MAS1: variants seen among roughly 807,000 people sequenced by gnomAD.
The protein encoded by MAS1 is MAS1 proto-oncogene, G protein-coupled receptor, also known as proto-oncogene Mas.
For missense variants in MAS1, 387 were observed against 409.7 expected, an observed-to-expected ratio of 0.94 and a Z score of 0.48; for synonymous variants, 163 against 164.2, an observed-to-expected ratio of 0.99 and a Z score of 0.05.
chr6:159,897,184 GT>G (rs112119570), intron 1 of MAS1, among the ~76,000 whole-genome samples: 3,652 of 152,034 alleles, frequency 0.024, 140 homozygotes, highest in African/African-American at 0.083. Context: ...GGAGACTGGG[GT>G]TTTTTTTAAG....
Position 159,917,244 on chromosome 6 carries a change from T to C in MAS1, c.*9311T>C, listed in dbSNP as rs1466875263. ...CCTGATGGATGAGATTGGTGTAAAG[T>C]GGAGAAATTCTGTTTTGGATTAATC... On this transcript the variant is annotated 3_prime_UTR_variant, in exon 3 of 3. Coordinates refer to ENST00000674077, the MANE Select transcript of MAS1 (RefSeq NM_002377.4). 6.6e-6 allele frequency among the ~76,000 whole-genome samples: 1 copy of C among 152,234 alleles called. No individual in the cohort carries two copies. The highest frequency in any genetic ancestry group is 1.5e-5 in the Non-Finnish European group (1 of 68,038).
chr6:159,907,680 T>C lies in MAS1; in HGVS notation c.725T>C (p.Met242Thr), dbSNP rs142248825. 4 of 1,613,892 alleles carry C rather than the reference T, an allele frequency of 2.5e-6. No homozygotes were observed. In the East Asian group the frequency reaches 8.9e-5, roughly 36 times the overall value. ...VTIIIFLIFAMPMRLLYLLYY... is the reference protein window; with the variant it reads ...VTIIIFLIFATPMRLLYLLYY... ...ATCATTATATTCCTCATCTTCGCTA[T>C]GCCCATGAGACTCCTTTACCTGCTG... Residue 242 changes from methionine to threonine, a missense_variant, in exon 3 of 3, where the codon ATG becomes ACG. By Grantham distance (81) the Met-to-Thr change is moderately conservative. Transcript: ENST00000674077.
Position 159,911,647 on chromosome 6 carries a change from G to T in MAS1, c.*3714G>T, listed in dbSNP as rs1562313805. On this transcript the variant is annotated 3_prime_UTR_variant, in exon 3 of 3. Transcript: ENST00000674077. ...GTCCAGCTCAAGCATTAGAGACTCA[G>T]GAGAGCCTCTGGAAGCTGAGTTCCT... 6.6e-6 allele frequency: 1 copy of T among 152,114 alleles called. No homozygotes were observed. Among genetic ancestry groups the T allele is most frequent in the Non-Finnish European group, 1.5e-5 (1 of 68,066 alleles). 9.4% of individuals were successfully genotyped at this position (152,114 alleles called of 1,614,324 possible).
Position 159,908,861 on chromosome 6 carries a change from C to T in MAS1, c.*928C>T, listed in dbSNP as rs1273438256. On this transcript the variant is annotated 3_prime_UTR_variant, in exon 3 of 3. Coordinates refer to ENST00000674077, the MANE Select transcript of MAS1 (RefSeq NM_002377.4). ...ACGAATGGAGTTGAATTTATGACTT[C>T]CTGGGGGTGACTGGGACCTTCCTCC... is the stretch of plus-strand genomic sequence containing the variant. 1.3e-5 allele frequency: 2 copies of T among 152,004 alleles called. No individual in the cohort carries two copies. Among genetic ancestry groups the T allele is most frequent in the Non-Finnish European group, 2.9e-5 (2 of 68,020 alleles). 9.4% of individuals were successfully genotyped at this position (152,004 alleles called of 1,614,324 possible).
intron 1 of MAS1, among the ~76,000 whole-genome samples, chr6:159,896,759 G>T (rs1433142507): frequency 6.6e-6 from 1 of 152,226 alleles, no homozygotes; most frequent in Non-Finnish European, 1.5e-5. Flanking sequence ...CGGGGGAATT[G>T]CAATAGAGAA....
rs1782916833 is a variant in MAS1 at position 159,907,910 on chromosome 6, G to T, written c.955G>T (p.Val319Phe). 1.2e-6 allele frequency: 2 copies of T among 1,605,754 alleles called. No homozygotes were observed. The highest frequency in any genetic ancestry group is 1.7e-6 in the Non-Finnish European group (2 of 1,176,792). ...PRRQKDNCNT[V>F]TVETVV is the part of the protein sequence containing the mutation. ...GCGCCAGAAAGACAATTGTAATACGGTCACAGTTGAGACTGTCGTCTAAGA... is the reference window on the plus strand; with the variant it reads ...GCGCCAGAAAGACAATTGTAATACGTTCACAGTTGAGACTGTCGTCTAAGA... The change falls in exon 3 of 3, where the codon GTC becomes TTC. Residue 319 changes from valine (V) to phenylalanine (F), a missense_variant. Physicochemically the swap from Val to Phe is conservative, Grantham distance 50. Coordinates refer to ENST00000674077, the MANE Select transcript of MAS1 (RefSeq NM_002377.4).
intron 1 of MAS1, among the ~76,000 whole-genome samples, chr6:159,896,861 TG>T (rs1253731704): frequency 6.0e-4 from 51 of 84,526 alleles, no homozygotes; most frequent in East Asian, 3.3e-3. Flanking sequence ...TGGGTTTTTT[TG>T]TTTGTTTGTT....
At chr6:159,897,240 G>C (rs1040083775) in intron 1 of MAS1, among the ~76,000 whole-genome samples, 2 of 152,088 alleles carry the variant, frequency 1.3e-5, no homozygotes, top group African/African-American at 4.8e-5. Flanking sequence ...AGTGCTGATT[G>C]GTCAGGTTGG....
chr6:159,902,092 C>T (rs563907549), intron 2 of MAS1: 1 of 151,622 alleles, frequency 6.6e-6, no homozygotes, highest in Non-Finnish European at 1.5e-5. Flanking sequence ...GGGGAGGTGA[C>T]CTGGGGTAAC....
chr6:159,896,159 ACT>A (rs75706866), intron 1 of MAS1, among the ~76,000 whole-genome samples: 41,524 of 151,734 alleles, frequency 0.27, 6,820 homozygotes, highest in Non-Finnish European at 0.38. Context: ...AAATACAAAA[ACT>A]CAGCTGGCAT....
upstream of MAS1, among the ~76,000 whole-genome samples, chr6:159,889,215 T>A (rs1319218112): frequency 6.6e-6 from 1 of 152,240 alleles, no homozygotes; most frequent in Non-Finnish European, 1.5e-5. Context: ...TTGGGCAGCT[T>A]GTTGTCCTCT....
In MAS1 at chr6:159,907,705, G is replaced by C; in HGVS notation, c.750G>C (p.Leu250=). ...FAMPMRLLYL[L]YYEYWSTFGN... Reference sequence around the variant, plus strand: ...TGCCCATGAGACTCCTTTACCTGCTGTACTATGAGTATTGGTCGACCTTTG... The same window carrying C: ...TGCCCATGAGACTCCTTTACCTGCTCTACTATGAGTATTGGTCGACCTTTG... Residue 250 remains leucine (L), a synonymous_variant, in exon 3 of 3, where the codon CTG becomes CTC. Coordinates refer to ENST00000674077, the MANE Select transcript of MAS1 (RefSeq NM_002377.4). 1 of 1,613,640 alleles carries C rather than the reference G, an allele frequency of 6.2e-7. No homozygotes were observed.
rs1345089260 is a variant in MAS1, at chr6:159,910,880, T to A, written c.*2947T>A. The A allele has an allele frequency of 6.6e-6, 1 of 152,204 alleles. No homozygotes were observed. Among genetic ancestry groups the A allele is most frequent in the African/African-American group, 2.4e-5 (1 of 41,430 alleles). 9.4% of individuals were successfully genotyped at this position (152,204 alleles called of 1,614,324 possible). A position where few individuals can be genotyped will look rare whatever the true frequency, so the allele number is the denominator to read the frequency against. On this transcript the variant is annotated 3_prime_UTR_variant, in exon 3 of 3. Transcript: ENST00000674077. ...AGATTGGTCCAGATAGGAAGGTGAG[T>A]AACTTCCACAGTGTCAAATCTGATG...
At position 159,914,111 on chromosome 6, in the gene MAS1, T is replaced by G. The variant is rs1204693936; in HGVS notation, c.*6178T>G. On this transcript the variant is annotated 3_prime_UTR_variant, in exon 3 of 3. Transcript: ENST00000674077. ...GTTTTAATTATTTCTGGGGTTTTTTTGGTCAAATTTCTCATGTTGCTTCTA... is the reference window on the plus strand; with the variant it reads ...GTTTTAATTATTTCTGGGGTTTTTTGGGTCAAATTTCTCATGTTGCTTCTA... The G allele has an allele frequency of 6.6e-6, 1 of 152,258 alleles. No individual in the cohort carries two copies. Among genetic ancestry groups the G allele is most frequent in the East Asian group, 1.9e-4 (1 of 5,206 alleles). 9.4% of individuals were successfully genotyped at this position (152,258 alleles called of 1,614,324 possible). A position where few individuals can be genotyped will look rare whatever the true frequency, so the allele number is the denominator to read the frequency against.
In MAS1 at chr6:159,894,418, C is replaced by CAAAAAAA. The variant is rs5881344; in HGVS notation, c.-244+3300_-244+3306dup. ...TGGGCGACAGAGTGAGACCCTGTCTCAAAAAAAAAAAAAAAAAAAAAGAAT... is the reference window on the plus strand; with the variant it reads ...TGGGCGACAGAGTGAGACCCTGTCTCAAAAAAAAAAAAAAAAAAAAAAAAAAAAGAAT... On this transcript the variant is annotated intron_variant, in intron 1 of 2. Coordinates refer to ENST00000674077, the MANE Select transcript of MAS1 (RefSeq NM_002377.4). Among the ~76,000 whole-genome samples the CAAAAAAA allele has an allele frequency of 9.0e-4, 71 of 79,136 alleles. 2 individuals carry two copies. The highest frequency in any genetic ancestry group is 3.2e-3 in the African/African-American group (67 of 20,678). The allele number at this position is 79,136 out of a possible 152,430, so 51.9% of individuals were successfully genotyped here.
Position 159,906,993 on chromosome 6 carries a change from A to G in MAS1, c.38A>G (p.Glu13Gly). 6.2e-7 allele frequency: 1 copy of G among 1,611,344 alleles called. No homozygotes were observed. Residue 13 changes from glutamate (E) to glycine (G), a missense_variant, in exon 3 of 3, where the codon GAA (glutamate) becomes GGA (glycine). Transcript: ENST00000674077. ...AACGTGACATCATTTGTTGTTGAGG[A>G]ACCCACGAACATCTCAACTGGCAGG... ...GSNVTSFVVE[E>G]PTNISTGRNA...
Position 159,914,278 on chromosome 6 carries a change from CCT to C in MAS1, c.*6346_*6347del, listed in dbSNP as rs1218141389. The C allele has an allele frequency of 1.3e-5, 2 of 152,048 alleles. No homozygotes were observed. Among genetic ancestry groups the C allele is most frequent in the East Asian group, 1.9e-4 (1 of 5,164 alleles). 9.4% of individuals were successfully genotyped at this position (152,048 alleles called of 1,614,324 possible). ...ATCTCTTTTGATGTTGTCGTTTTCC[CCT>C]GAGTTTTCACAGTCCTTGCACTTCA... is the stretch of plus-strand genomic sequence containing the variant. On this transcript the variant is annotated 3_prime_UTR_variant, in exon 3 of 3. Coordinates refer to ENST00000674077, the MANE Select transcript of MAS1 (RefSeq NM_002377.4).
chr6:159,893,328 G>C (rs968712696), intron 1 of MAS1, among the ~76,000 whole-genome samples: 3 of 152,228 alleles, frequency 2.0e-5, no homozygotes, highest in African/African-American at 7.2e-5. Context: ...TGCATGGGGG[G>C]TACAGGGAAC....
At chr6:159,890,448 C>A (rs1782684238), upstream of MAS1, among the ~76,000 whole-genome samples, 1 of 152,152 alleles carries the variant, frequency 6.6e-6, no homozygotes, top group Admixed American at 6.5e-5. Context: ...GAACACACTC[C>A]TTGGCTTGCT....
Sources: gnomAD v4.1 joint callset for allele counts (sites outside exome capture counted in the v4.1 genomes callset) on GRCh38, gnomAD v4.1.1 for gene constraint, MANE v1.5 for transcripts, NCBI Gene and HGNC (gene_info 2026-07-23, HGNC 2026-07-21) for gene names.